NEBL: variants seen among roughly 807,000 people sequenced by gnomAD.
NEBL encodes the protein nebulette, also known as LIM and SH3 protein 2.
In NEBL, 122 loss-of-function variants were observed where a neutral mutation model predicts 140.2. The ratio of observed to expected loss-of-function variants is 0.87; its 90% CI spans 0.75 to 1.01. The LOEUF (loss-of-function observed/expected upper bound fraction) is 1.01, where lower values mean the gene tolerates loss of function less well. NEBL is among the 50% of genes least tolerant of loss of function. NEBL has a pLI of 0.00. For synonymous variants in NEBL, 436 were observed against 398.9 expected (o/e 1.09, Z -1.11); for missense variants, 1,365 against 1,231.3 (o/e 1.11, Z -1.62).
At chr10:21,277,844 A>G (rs1433935087) in intron 1 of NEBL, among the ~76,000 whole-genome samples, 1 of 151,968 alleles carries the variant, frequency 6.6e-6, no homozygotes, top group African/African-American at 2.4e-5. Flanking sequence ...TTAAGAGACA[A>G]GGTGTCTTGC....
chr10:21,240,907 T>TACACACACACATACACAC (rs760194882), intron 3 of NEBL, among the ~76,000 whole-genome samples: 2 of 137,278 alleles, frequency 1.5e-5, no homozygotes, highest in Non-Finnish European at 3.2e-5. Flanking sequence ...CACGCACACA[T>TACACACACACATACACAC]ACACACACAC....
chr10:20,951,820 A>G (rs983709286), intron 4 of NEBL, among the ~76,000 whole-genome samples: 2 of 152,236 alleles, frequency 1.3e-5, no homozygotes, highest in Non-Finnish European at 2.9e-5. Context: ...CCCAAAAGGT[A>G]TAATAAAATC....
At chr10:20,970,896 A>G (rs1471320838) in intron 3 of NEBL, among the ~76,000 whole-genome samples, 1 of 152,332 alleles carries the variant, frequency 6.6e-6, no homozygotes, top group South Asian at 2.1e-4. Flanking sequence ...GAAAAATATC[A>G]AAGTGAACAC....
chr10:21,032,899 T>C (rs1833856520), intron 2 of NEBL, among the ~76,000 whole-genome samples: 2 of 152,184 alleles, frequency 1.3e-5, no homozygotes, highest in Non-Finnish European at 2.9e-5. Context: ...AAAGAAGGCA[T>C]TATCAAAGGG....
At chr10:21,272,779 G>C (rs1842875073) in intron 1 of NEBL, among the ~76,000 whole-genome samples, 1 of 152,180 alleles carries the variant, frequency 6.6e-6, no homozygotes, top group South Asian at 2.1e-4. Flanking sequence ...AGTGTCAACT[G>C]TGAATCATTA....
intron 2 of NEBL, among the ~76,000 whole-genome samples, chr10:21,089,610 G>A (rs1836813645): frequency 6.6e-6 from 1 of 152,040 alleles, no homozygotes. Context: ...ACTGGTACCT[G>A]GCAAAAAGTG....
chr10:20,841,886 A>G (rs1050878756), intron 12 of NEBL, among the ~76,000 whole-genome samples: 1 of 152,102 alleles, frequency 6.6e-6, no homozygotes, highest in African/African-American at 2.4e-5. Flanking sequence ...CACATTAATA[A>G]TAGTTTGAAT....
At chr10:21,255,233 G>A (rs925428135) in intron 1 of NEBL, among the ~76,000 whole-genome samples, 3 of 152,102 alleles carry the variant, frequency 2.0e-5, no homozygotes, top group African/African-American at 7.2e-5. Context: ...ATTAGAGCGA[G>A]AACGTCATGT....
At chr10:20,931,822 A>G (rs546513413) in intron 4 of NEBL, among the ~76,000 whole-genome samples, 54 of 152,332 alleles carry the variant, frequency 3.5e-4, no homozygotes, top group Admixed American at 5.9e-4. Context: ...GGAGGTAAAG[A>G]AAGTCCCACA....
intron 14 of NEBL, among the ~76,000 whole-genome samples, chr10:20,833,093 G>A (rs755927390): frequency 6.6e-6 from 1 of 152,144 alleles, no homozygotes; most frequent in Non-Finnish European, 1.5e-5. Flanking sequence ...GTGTTCTAAA[G>A]CACATAGACT....
intron 2 of NEBL, chr10:21,113,458 C>T (rs761415080): frequency 1.3e-5 from 5 of 395,174 alleles, no homozygotes; most frequent in Non-Finnish European, 2.4e-5. Flanking sequence ...GATGACTGAC[C>T]AGGAGGCTAT....
At chr10:21,054,025 T>A (rs969246898) in intron 2 of NEBL, among the ~76,000 whole-genome samples, 2 of 95,510 alleles carry the variant, frequency 2.1e-5, no homozygotes, top group African/African-American at 9.0e-5. Flanking sequence ...GAAGCAAGAC[T>A]CCATCTCAAA....
intron 3 of NEBL, among the ~76,000 whole-genome samples, chr10:21,245,352 A>G (rs1004400806): frequency 2.0e-5 from 3 of 152,206 alleles, no homozygotes; most frequent in African/African-American, 7.2e-5. Flanking sequence ...ATGTTAAACT[A>G]TGGTATGTTT....
At chr10:20,962,029 G>A (rs1431585933) in intron 3 of NEBL, among the ~76,000 whole-genome samples, 12 of 152,104 alleles carry the variant, frequency 7.9e-5, no homozygotes, top group Admixed American at 7.2e-4. Flanking sequence ...TCTGTACAGC[G>A]GCAATAACAA....
At chr10:21,090,185 A>G (rs1836844261) in intron 2 of NEBL, among the ~76,000 whole-genome samples, 1 of 152,220 alleles carries the variant, frequency 6.6e-6, no homozygotes, top group Non-Finnish European at 1.5e-5. Flanking sequence ...CTTGCAAAAC[A>G]GTATTTATCA....
chr10:20,882,361 G>T (rs1158022829), intron 4 of NEBL, among the ~76,000 whole-genome samples: 1 of 150,724 alleles, frequency 6.6e-6, no homozygotes, highest in African/African-American at 2.4e-5. Flanking sequence ...GGAAGGGAAA[G>T]GGAAAGTAAA....
intron 3 of NEBL, among the ~76,000 whole-genome samples, chr10:21,208,649 C>A (rs1195894051): frequency 6.6e-6 from 1 of 152,158 alleles, no homozygotes; most frequent in African/African-American, 2.4e-5. Context: ...TGAACCCAGG[C>A]TGCTTTCTTC....
intron 3 of NEBL, among the ~76,000 whole-genome samples, chr10:21,240,436 A>T (rs1222355432): frequency 6.6e-6 from 1 of 152,178 alleles, no homozygotes. Flanking sequence ...TGAGGTCAAG[A>T]GTTCGAGACC....
intron 1 of NEBL, among the ~76,000 whole-genome samples, chr10:21,259,173 C>T (rs985793337): frequency 2.6e-5 from 4 of 151,792 alleles, no homozygotes; most frequent in East Asian, 1.9e-4. Flanking sequence ...CTGCAAACTC[C>T]GCCTCTTAGG....
Sources: gnomAD v4.1 joint callset for allele counts (sites outside exome capture counted in the v4.1 genomes callset) on GRCh38, gnomAD v4.1.1 for gene constraint, MANE v1.5 for transcripts, NCBI Gene and HGNC (gene_info 2026-07-23, HGNC 2026-07-21) for gene names.